The following SOS1 variants were observed in gnomAD, a reference collection of about 807,000 sequenced individuals.
SOS1 encodes the protein SOS Ras/Rac guanine nucleotide exchange factor 1.
SOS1 carries 25 observed loss-of-function variants against 157.6 expected under a neutral mutation model. The ratio of observed to expected loss-of-function variants is 0.16; its 90% CI spans 0.12 to 0.22. The LOEUF (loss-of-function observed/expected upper bound fraction) is 0.22. Ranked by LOEUF, SOS1 falls within the 10% of genes least tolerant of loss-of-function variation. The probability of loss-of-function intolerance (pLI) is 1.00; values close to 1 mark genes in which losing one functional copy is unlikely to be tolerated. For synonymous variants in SOS1, 528 were observed against 534.0 expected (o/e 0.99, Z 0.16); for missense variants, 1,237 against 1,599.1 (o/e 0.77, Z 3.86).
chr2:39,006,783 T>G (rs1400738852), intron 16 of SOS1, among the ~76,000 whole-genome samples: 1 of 152,202 alleles, frequency 6.6e-6, no homozygotes, highest in Non-Finnish European at 1.5e-5. Context: ...AACTGTACAT[T>G]ATCTTACAAA....
intron 1 of SOS1, among the ~76,000 whole-genome samples, chr2:39,094,680 TAAAG>T (rs891604396): frequency 1.7e-4 from 21 of 124,300 alleles, no homozygotes; most frequent in Admixed American, 1.7e-4. Flanking sequence ...AATAAATAAA[TAAAG>T]ACTGTGAGGG....
intron 1 of SOS1, among the ~76,000 whole-genome samples, chr2:39,095,538 A>G (rs1296956053): frequency 6.6e-6 from 1 of 152,192 alleles, no homozygotes; most frequent in Non-Finnish European, 1.5e-5. Flanking sequence ...GCTACATTCG[A>G]AAGTTTGTGT....
rs1454709457 is a variant in SOS1 at position 39,120,493 on chromosome 2, A to T, written c.-71T>A. On this transcript the variant is annotated 5_prime_UTR_variant, in exon 1 of 23. Coordinates refer to ENST00000402219, the MANE Select transcript of SOS1 (RefSeq NM_005633.4). The stretch of plus-strand genomic sequence containing the variant: ...CGGGCCAGGGAGCCGCGAGAGGGCG[A>T]GCTCGCAGCGCGGAACAGGGCCGCG... 1.2e-5 allele frequency: 17 copies of T among 1,389,862 alleles called. No homozygotes were observed. The highest frequency in any genetic ancestry group is 1.5e-5 in the Non-Finnish European group (16 of 1,068,678). The allele number at this position is 1,389,862 out of a possible 1,614,324, so 86.1% of individuals were successfully genotyped here. A position where few individuals can be genotyped will look rare whatever the true frequency, so the allele number is the denominator to read the frequency against.
rs762496831 is a variant in SOS1, at chr2:39,051,166, C to G, written c.842G>C (p.Ser281Thr). 1 of 1,613,828 alleles carries G rather than the reference C, an allele frequency of 6.2e-7. No homozygotes were observed. Among genetic ancestry groups the G allele is most frequent in the Non-Finnish European group, 8.5e-7 (1 of 1,179,798 alleles). ...DEGSPHPLVG[S>T]CFEDLAEELA... Reference sequence around the variant, plus strand: ...TACCTCTGCTAAGTCTTCAAAGCAGCTTCCTACTAGTGGATGGGGACTGCC... The same window carrying G: ...TACCTCTGCTAAGTCTTCAAAGCAGGTTCCTACTAGTGGATGGGGACTGCC... The change falls in exon 6 of 23, where the codon AGC becomes ACC. Residue 281 changes from serine (S) to threonine (T), a missense_variant. Ser to Thr is a moderately conservative substitution (Grantham distance 58). This residue lies in a region of SOS1 where 101 missense variants were observed against 171.5 expected (regional missense o/e 0.59). Coordinates refer to ENST00000402219, the MANE Select transcript of SOS1 (RefSeq NM_005633.4).
chr2:39,078,978 T>G (rs1672109972), intron 1 of SOS1, among the ~76,000 whole-genome samples: 1 of 145,804 alleles, frequency 6.9e-6, no homozygotes, highest in South Asian at 2.1e-4. Context: ...GAGAATTGCT[T>G]GAACCTGGGA....
At chr2:38,992,258 G>GTAAA (rs1668758274) in intron 20 of SOS1, 1 of 151,888 alleles carries the variant, frequency 6.6e-6, no homozygotes, top group Non-Finnish European at 1.5e-5. Context: ...TAGGTTTTAA[G>GTAAA]GGATTAGCAG....
intron 1 of SOS1, among the ~76,000 whole-genome samples, chr2:39,114,160 A>G (rs1032256339): frequency 1.3e-5 from 2 of 152,138 alleles, no homozygotes; most frequent in Admixed American, 1.3e-4. Context: ...CAATGGCACG[A>G]TCATGGCTCA....
At chr2:39,093,086 T>C (rs1169801381) in intron 1 of SOS1, among the ~76,000 whole-genome samples, 1 of 152,180 alleles carries the variant, frequency 6.6e-6, no homozygotes, top group Non-Finnish European at 1.5e-5. Context: ...CTTTTTTAAA[T>C]AAATGCATTT....
intron 20 of SOS1, among the ~76,000 whole-genome samples, chr2:38,994,847 T>G (rs1183573463): frequency 6.6e-6 from 1 of 152,228 alleles, no homozygotes; most frequent in African/African-American, 2.4e-5. Context: ...GGAATGCATT[T>G]GAAAAGCTCA....
intron 2 of SOS1, among the ~76,000 whole-genome samples, chr2:39,062,942 G>C (rs1671459928): frequency 6.6e-6 from 1 of 151,974 alleles, no homozygotes; most frequent in African/African-American, 2.4e-5. Flanking sequence ...GGAATCAACA[G>C]AGCCAAATAA....
chr2:39,083,329 G>A (rs1407045044), intron 1 of SOS1, among the ~76,000 whole-genome samples: 1 of 152,130 alleles, frequency 6.6e-6, no homozygotes, highest in African/African-American at 2.4e-5. Context: ...AGCAGATGAA[G>A]ATGAGGCAAA....
intron 8 of SOS1, among the ~76,000 whole-genome samples, chr2:39,034,376 T>C (rs1670270555): frequency 6.6e-6 from 1 of 152,328 alleles, no homozygotes; most frequent in Non-Finnish European, 1.5e-5. Flanking sequence ...ATAAATATGA[T>C]TTCCAGTAAT....
At chr2:39,104,458 G>A (rs1193422310) in intron 1 of SOS1, among the ~76,000 whole-genome samples, 2 of 152,128 alleles carry the variant, frequency 1.3e-5, no homozygotes. Flanking sequence ...AAAGAAAATA[G>A]CAAGTGTGGG....
chr2:39,006,610 C>A (rs575202928), intron 16 of SOS1, 81 bp from the exon 17 acceptor site: 1 of 774,618 alleles, frequency 1.3e-6, no homozygotes, highest in East Asian at 2.4e-5. Flanking sequence ...AACAGAAACG[C>A]CCAAATACAA....
chr2:39,020,719 A>C (rs905398551), intron 10 of SOS1, among the ~76,000 whole-genome samples: 3 of 151,748 alleles, frequency 2.0e-5, no homozygotes, highest in African/African-American at 4.8e-5. Flanking sequence ...TGTTGCCAGT[A>C]ATAACTTCAG....
intron 1 of SOS1, among the ~76,000 whole-genome samples, chr2:39,069,821 T>C (rs1201369733): frequency 6.6e-6 from 1 of 152,242 alleles, no homozygotes; most frequent in Non-Finnish European, 1.5e-5. Context: ...GTGCTGGGAT[T>C]ACAGGCATGA....
chr2:39,043,839 T>C (rs902115656), intron 6 of SOS1, among the ~76,000 whole-genome samples: 1 of 152,156 alleles, frequency 6.6e-6, no homozygotes, highest in African/African-American at 2.4e-5. Context: ...CCAATCAATA[T>C]ATACAGATTA....
chr2:39,044,493 C>A lies in SOS1; in HGVS notation c.864+6651G>T, dbSNP rs187551770. Among the ~76,000 whole-genome samples, 404 of 151,508 alleles carry A rather than the reference C, an allele frequency of 2.7e-3. 2 individuals are homozygous for A. Among genetic ancestry groups the A allele is most frequent in the Non-Finnish European group, 3.1e-3 (210 of 67,812 alleles). ...TCATTTTTAATTATTCCTATTTTTT[C>A]AAAAAATGTGTAAAACTGTAAACTT... On this transcript the variant is annotated intron_variant, in intron 6 of 22. Transcript: ENST00000402219.
In SOS1 at chr2:39,035,248, A is replaced by G. The variant is rs746054149; in HGVS notation, c.1038T>C (p.Pro346=). 6.2e-7 allele frequency: 1 copy of G among 1,613,802 alleles called. No individual in the cohort carries two copies. Among genetic ancestry groups the G allele is most frequent in the East Asian group, 2.2e-5 (1 of 44,864 alleles). ...QYVLPRLLLA[P]VYHCLHYFEL... is the part of the protein sequence containing the mutation. ...CAAAGTAATGGAGACAGTGGTAAAC[A>G]GGGGCCAGAAGCAGCCTGGGTAAAA... The change falls in exon 8 of 23, where the codon CCT becomes CCC. Residue 346 remains proline (P), a synonymous_variant. Transcript: ENST00000402219.
Sources: allele counts gnomAD v4.1 joint callset (sites outside exome capture counted in the v4.1 genomes callset), GRCh38; gene constraint gnomAD v4.1.1; regional missense constraint gnomAD v4.1.1; transcripts MANE v1.5; gene names NCBI Gene and HGNC (gene_info 2026-07-23, HGNC 2026-07-21).